YAF2: variants seen among roughly 807,000 people sequenced by gnomAD.
YAF2 encodes the protein YY1 associated factor 2.
In YAF2, 7 loss-of-function variants were observed where a neutral mutation model predicts 20.1. The ratio of observed to expected loss-of-function variants is 0.35; its 90% CI spans 0.20 to 0.65. The LOEUF (loss-of-function observed/expected upper bound fraction) is 0.65. Among genes scored for constraint, YAF2 ranks in the 30% least tolerant of loss-of-function variants. The pLI is 0.69. For missense variants in YAF2, 151 were observed against 219.2 expected, an observed-to-expected ratio of 0.69 and a Z score of 1.96; for synonymous variants, 74 against 76.0, an observed-to-expected ratio of 0.97 and a Z score of 0.14.
At chr12:42,238,086 C>T (rs960464835) in intron 1 of YAF2, 69 bp downstream of exon 1, 19 of 1,298,628 alleles carry the variant, frequency 1.5e-5, no homozygotes, top group Middle Eastern at 2.9e-4. Flanking sequence ...AGCGAGGCGG[C>T]CACCCGAAGC....
In YAF2 at chr12:42,175,350, C is replaced by A. The variant is rs191009569; in HGVS notation, c.153-13585G>T. 7.4e-4 allele frequency among the ~76,000 whole-genome samples: 113 copies of A among 151,972 alleles called. No homozygotes were observed. In the South Asian group the frequency reaches 0.01, roughly 13 times the overall value. On this transcript the variant is annotated intron_variant, in intron 2 of 3. Coordinates refer to ENST00000534854, the MANE Select transcript of YAF2 (RefSeq NM_005748.6). Reference sequence around the variant, plus strand: ...AAGCAGATCAGTAGTTGCCTAGCAACCAGAGATGGGATGGGGGTAGGTACA... The same window carrying A: ...AAGCAGATCAGTAGTTGCCTAGCAAACAGAGATGGGATGGGGGTAGGTACA...
intron 2 of YAF2, chr12:42,235,776 C>G: frequency 6.5e-7 from 1 of 1,535,570 alleles, no homozygotes; most frequent in Non-Finnish European, 8.7e-7. Flanking sequence ...AAAAAAATGT[C>G]AGGGGCCCCC....
intron 2 of YAF2, among the ~76,000 whole-genome samples, chr12:42,178,265 T>A (rs1348535375): frequency 6.6e-6 from 1 of 152,170 alleles, no homozygotes; most frequent in African/African-American, 2.4e-5. Flanking sequence ...GGAGTCCTTT[T>A]AAAATTACTA....
chr12:42,227,077 C>CGCA, intron 2 of YAF2, among the ~76,000 whole-genome samples: 1 of 145,446 alleles, frequency 6.9e-6, no homozygotes, highest in African/African-American at 2.5e-5. Context: ...GCCGCCCGAC[C>CGCA]GCCGGGAGGA....
intron 2 of YAF2, among the ~76,000 whole-genome samples, chr12:42,215,187 G>C (rs1267887281): frequency 6.6e-6 from 1 of 152,014 alleles, no homozygotes; most frequent in Admixed American, 6.6e-5. Context: ...TAGAGTCTTG[G>C]CTACTCCTTT....
intron 2 of YAF2, among the ~76,000 whole-genome samples, chr12:42,190,796 T>C (rs1006375013): frequency 1.3e-5 from 2 of 152,100 alleles, no homozygotes; most frequent in African/African-American, 4.8e-5. Context: ...ATTCAAGTAA[T>C]TGAGGTTTTT....
intron 2 of YAF2, among the ~76,000 whole-genome samples, chr12:42,228,528 G>T (rs2067854370): frequency 1.7e-5 from 1 of 57,152 alleles, no homozygotes; most frequent in Admixed American, 1.3e-4. Flanking sequence ...CGGGAGGTGA[G>T]GGGTGCCTCT....
In YAF2 at chr12:42,167,985, T is replaced by C. The variant is rs1049196948; in HGVS notation, c.153-6220A>G. Reference sequence around the variant, plus strand: ...TTACTGGGTAAGCCAAATAAAATAATGAATGTTAAAAATGTATATACTGTA... The same window carrying C: ...TTACTGGGTAAGCCAAATAAAATAACGAATGTTAAAAATGTATATACTGTA... On this transcript the variant is annotated intron_variant, in intron 2 of 3. Transcript: ENST00000534854. 2.6e-4 allele frequency among the ~76,000 whole-genome samples: 40 copies of C among 152,164 alleles called. 1 individual carries two copies. The highest frequency in any genetic ancestry group is 2.5e-3 in the Admixed American group (38 of 15,282).
chr12:42,196,823 T>G (rs1014875033), intron 2 of YAF2, among the ~76,000 whole-genome samples: 1 of 152,210 alleles, frequency 6.6e-6, no homozygotes, highest in Non-Finnish European at 1.5e-5. Context: ...TTGAAGGGTC[T>G]AAACAAAACA....
chr12:42,214,193 TA>T (rs2137255610), intron 2 of YAF2, among the ~76,000 whole-genome samples: 1 of 152,374 alleles, frequency 6.6e-6, no homozygotes, highest in East Asian at 1.9e-4. Context: ...CACTATGCAC[TA>T]GTCTTTGCTC....
At position 42,160,592 on chromosome 12, in the gene YAF2, A is replaced by G. The variant is rs2065777009; in HGVS notation, c.540T>C (p.His180=). ...AAGAAATTGGAGAAAATAAACTTTAATGAGATTCTCCATTCAATGATGAGG... is the reference window on the plus strand; with the variant it reads ...AAGAAATTGGAGAAAATAAACTTTAGTGAGATTCTCCATTCAATGATGAGG... ...GEASSLNGES[H] is the part of the protein sequence containing the mutation. The change falls in exon 4 of 4, where the codon CAT becomes CAC. Residue 180 remains histidine (H), a synonymous_variant. Transcript: ENST00000534854. 6.2e-7 allele frequency: 1 copy of G among 1,610,412 alleles called. No individual in the cohort carries two copies. The highest frequency in any genetic ancestry group is 1.3e-5 in the African/African-American group (1 of 74,758).
At position 42,182,238 on chromosome 12, in the gene YAF2, C is replaced by G. The variant is rs532562273; in HGVS notation, c.153-20473G>C. The stretch of plus-strand genomic sequence containing the variant: ...GTTCATGATATGTTTGACGAGGAAG[C>G]AGAAGGCATGAAATTCTGTTAACAT... On this transcript the variant is annotated intron_variant, in intron 2 of 3. Coordinates refer to ENST00000534854, the MANE Select transcript of YAF2 (RefSeq NM_005748.6). Among the ~76,000 whole-genome samples, 11 of 152,134 alleles carry G rather than the reference C, an allele frequency of 7.2e-5. No individual in the cohort carries two copies. In the East Asian group the frequency reaches 2.1e-3, roughly 29 times the overall value.
At chr12:42,227,171 G>A (rs1383143754) in intron 2 of YAF2, among the ~76,000 whole-genome samples, 6 of 145,568 alleles carry the variant, frequency 4.1e-5, no homozygotes, top group African/African-American at 1.3e-4. Flanking sequence ...CTGGAGGAGC[G>A]GACGGGCCCC....
intron 2 of YAF2, among the ~76,000 whole-genome samples, chr12:42,206,731 C>T (rs2067054861): frequency 1.3e-5 from 2 of 151,854 alleles, no homozygotes; most frequent in South Asian, 4.1e-4. Flanking sequence ...TTTAGGAATT[C>T]TCTTGGCTGC....
rs113613091 is a variant in YAF2 at position 42,227,776 on chromosome 12, G to A, written c.152+9823C>T. ...GGGGTCAGCCCCCCGCCTGGCCAGC[G>A]TGCTGTCCGGGAGGGAGGTGGGGGG... On this transcript the variant is annotated intron_variant, in intron 2 of 3. Coordinates refer to ENST00000534854, the MANE Select transcript of YAF2 (RefSeq NM_005748.6). 1.2e-4 allele frequency among the ~76,000 whole-genome samples: 16 copies of A among 133,146 alleles called. No homozygotes were observed. The South Asian group carries it at 2.5e-3, about 21-fold the overall frequency. 87.3% of individuals were successfully genotyped at this position (133,146 alleles called of 152,430 possible). A position where few individuals can be genotyped will look rare whatever the true frequency, so the allele number is the denominator to read the frequency against.
At chr12:42,234,600 G>T (rs886439581) in intron 2 of YAF2, 7 of 985,278 alleles carry the variant, frequency 7.1e-6, no homozygotes, top group Non-Finnish European at 8.4e-6. Context: ...AGAAAGACAT[G>T]ACCTACCATG....
chr12:42,161,056 A>G (rs1259041317), intron 3 of YAF2: 1 of 507,694 alleles, frequency 2.0e-6, no homozygotes, highest in Non-Finnish European at 3.5e-6. Context: ...ACAGCCTAGA[A>G]GTAGAACTTG....
At chr12:42,237,331 A>G in intron 2 of YAF2, 1 of 994,182 alleles carries the variant, frequency 1.0e-6, no homozygotes, top group Non-Finnish European at 1.3e-6. Context: ...ACCCAGCGAT[A>G]CGAATTAAAT....
At position 42,190,173 on chromosome 12, in the gene YAF2, T is replaced by C. The variant is rs1048315993; in HGVS notation, c.153-28408A>G. 2.2e-4 allele frequency among the ~76,000 whole-genome samples: 34 copies of C among 152,104 alleles called. 1 individual carries two copies. The highest frequency in any genetic ancestry group is 4.4e-5 in the Non-Finnish European group (3 of 68,016). ...GCCTGGGCAACACAGCAAGACCACA[T>C]CTCTACAAAAAATTTTAGAAATGAG... On this transcript the variant is annotated intron_variant, in intron 2 of 3. Coordinates refer to ENST00000534854, the MANE Select transcript of YAF2 (RefSeq NM_005748.6).
Sources: allele counts gnomAD v4.1 joint callset (sites outside exome capture counted in the v4.1 genomes callset), GRCh38; gene constraint gnomAD v4.1.1; transcripts MANE v1.5; gene names NCBI Gene and HGNC (gene_info 2026-07-23, HGNC 2026-07-21).